ATP10B: variants seen among roughly 807,000 people sequenced by gnomAD.
ATP10B encodes the protein phospholipid-transporting ATPase VB.
A neutral mutation model predicts 141.2 loss-of-function variants in ATP10B; 122 were observed. The ratio of observed to expected loss-of-function variants is 0.86; its 90% CI spans 0.75 to 1.00. ATP10B has a LOEUF of 1.00. Ranked by LOEUF, ATP10B falls within the 50% of genes least tolerant of loss-of-function variation. The pLI, the probability that ATP10B is intolerant of heterozygous loss-of-function variation, is 0.00. For synonymous variants in ATP10B, 685 were observed against 692.0 expected (o/e 0.99, Z 0.16); for missense variants, 1,876 against 1,825.3 (o/e 1.03, Z -0.51).
At chr5:160,881,455 G>T in the ATP10B span, among the ~76,000 whole-genome samples, 1 of 152,260 alleles carries the variant, frequency 6.6e-6, no homozygotes. Flanking sequence ...TATCCAAAGG[G>T]ATTTAAAACT....
chr5:160,848,060 C>T (rs1776232203), intron 1 of ATP10B, among the ~76,000 whole-genome samples: 1 of 152,298 alleles, frequency 6.6e-6, no homozygotes, highest in East Asian at 1.9e-4. Context: ...CTAAGTCATA[C>T]TTATATGCAG....
At chr5:160,584,388 T>C (rs1364671952) in intron 24 of ATP10B, among the ~76,000 whole-genome samples, 97 of 152,302 alleles carry the variant, frequency 6.4e-4, no homozygotes, top group Non-Finnish European at 1.6e-4. Context: ...CCCAGTGAGA[T>C]GAGCTGGGTA....
At chr5:160,636,038 C>T (rs145659583) in intron 11 of ATP10B, 144 bp downstream of exon 11, 31 of 972,992 alleles carry the variant, frequency 3.2e-5, no homozygotes, top group Middle Eastern at 7.0e-4. Context: ...CTTTCAAAGA[C>T]GCACAAGAAA....
chr5:160,877,277 C>CA, the ATP10B span, among the ~76,000 whole-genome samples: 490 of 148,350 alleles, frequency 3.3e-3, 3 homozygotes, highest in Middle Eastern at 6.9e-3. Flanking sequence ...GAGCCAAAGA[C>CA]AAAAACCACA....
chr5:160,829,524 T>C (rs976517295), intron 1 of ATP10B, among the ~76,000 whole-genome samples: 6 of 152,116 alleles, frequency 3.9e-5, no homozygotes, highest in Non-Finnish European at 7.4e-5. Flanking sequence ...TTGATAGGAA[T>C]AGCATTGAAT....
At chr5:160,849,618 T>TACACACAC (rs796968833) in intron 1 of ATP10B, among the ~76,000 whole-genome samples, 2,504 of 148,116 alleles carry the variant, frequency 0.017, 26 homozygotes, top group African/African-American at 0.027. Context: ...TACTGGCAAT[T>TACACACAC]ACACACACAC....
chr5:160,819,129 C>G (rs967252612), intron 1 of ATP10B, among the ~76,000 whole-genome samples: 1 of 151,692 alleles, frequency 6.6e-6, no homozygotes, highest in African/African-American at 2.4e-5. Flanking sequence ...GCACATGTAC[C>G]CTAAAATTTA....
chr5:160,686,937 A>T, intron 5 of ATP10B: 1 of 985,298 alleles, frequency 1.0e-6, no homozygotes, highest in African/African-American at 1.7e-5. Flanking sequence ...CTCATACATT[A>T]TCTCAAAAGA....
At chr5:160,750,184 A>C (rs1768062250) in intron 2 of ATP10B, among the ~76,000 whole-genome samples, 2 of 152,130 alleles carry the variant, frequency 1.3e-5, no homozygotes, top group Admixed American at 6.5e-5. Context: ...TAATAGAATC[A>C]CTCATGCCAT....
chr5:160,869,930 T>C, the ATP10B span, among the ~76,000 whole-genome samples: 1 of 152,244 alleles, frequency 6.6e-6, no homozygotes, highest in East Asian at 1.9e-4. Context: ...CCTTCAAACA[T>C]GCTTCTGTCA....
Position 160,620,683 on chromosome 5 carries a change from C to T in ATP10B, c.2080G>A (p.Gly694Arg), listed in dbSNP as rs976486652. Reference protein sequence around the residue: ...MWDQGDILESGSGTSLEEALE... With the variant: ...MWDQGDILESRSGTSLEEALE... ...GCCTCCTCCAAGGAAGTGCCTGACC[C>T]AGACTCCAGGATGTCGCCCTGGTCC... Residue 694 changes from glycine to arginine, a missense_variant, in exon 15 of 26, where the codon GGG becomes AGG. Transcript: ENST00000327245. 9 of 1,613,964 alleles carry T rather than the reference C, an allele frequency of 5.6e-6. No homozygotes were observed. Among genetic ancestry groups the T allele is most frequent in the Non-Finnish European group, 7.6e-6 (9 of 1,179,852 alleles).
intron 1 of ATP10B, among the ~76,000 whole-genome samples, chr5:160,849,296 G>A (rs1240107544): frequency 6.6e-6 from 1 of 152,054 alleles, no homozygotes; most frequent in Non-Finnish European, 1.5e-5. Flanking sequence ...AACTTAATGA[G>A]TTCAGATTGA....
intron 2 of ATP10B, among the ~76,000 whole-genome samples, chr5:160,763,811 G>A (rs930478963): frequency 7.9e-5 from 12 of 151,890 alleles, no homozygotes; most frequent in Non-Finnish European, 4.4e-5. Flanking sequence ...GACCATTAGG[G>A]AATTTAACCA....
At chr5:160,820,953 C>G (rs1774056569) in intron 1 of ATP10B, among the ~76,000 whole-genome samples, 1 of 152,086 alleles carries the variant, frequency 6.6e-6, no homozygotes. Flanking sequence ...TTGAGAGAAA[C>G]TGAAAGTCTT....
At chr5:160,725,907 T>G (rs896616325) in intron 2 of ATP10B, among the ~76,000 whole-genome samples, 4 of 151,942 alleles carry the variant, frequency 2.6e-5, no homozygotes, top group Non-Finnish European at 5.9e-5. Flanking sequence ...TTTTTTGTTT[T>G]TTTCTTTTTG....
chr5:160,644,136 A>G lies in ATP10B; in HGVS notation c.868+2T>C. The stretch of plus-strand genomic sequence containing the variant: ...GACAAAAGAAACTACCCAGACAATG[A>G]CCTGCATAGATGACAATGCCAACAG... On this transcript the variant is annotated splice_donor_variant, in intron 9 of 25. Transcript: ENST00000327245. LOFTEE classifies it high-confidence loss of function. 1 of 1,612,000 alleles carries G rather than the reference A, an allele frequency of 6.2e-7. No homozygotes were observed. Among genetic ancestry groups the G allele is most frequent in the Non-Finnish European group, 8.5e-7 (1 of 1,178,176 alleles).
intron 1 of ATP10B, among the ~76,000 whole-genome samples, chr5:160,821,088 T>C (rs1774067338): frequency 6.6e-6 from 1 of 152,138 alleles, no homozygotes; most frequent in African/African-American, 2.4e-5. Flanking sequence ...TGTTTGCAGA[T>C]TATGTTATCT....
chr5:160,612,265 C>T (rs552153683), intron 18 of ATP10B: 1 of 152,404 alleles, frequency 6.6e-6, no homozygotes, highest in South Asian at 2.1e-4. Flanking sequence ...TTAATTGGGA[C>T]TTTTTCAATG....
the ATP10B span, among the ~76,000 whole-genome samples, chr5:160,907,545 G>C: frequency 6.6e-6 from 1 of 152,070 alleles, no homozygotes; most frequent in Non-Finnish European, 1.5e-5. Flanking sequence ...TTTTTTTGTA[G>C]ACACAGGATC....
Sources: gnomAD v4.1 joint callset for allele counts (sites outside exome capture counted in the v4.1 genomes callset) on GRCh38, gnomAD v4.1.1 for gene constraint, MANE v1.5 for transcripts, NCBI Gene and HGNC (gene_info 2026-07-23, HGNC 2026-07-21) for gene names.